Variants in ADAMTSL1 observed in about 807,000 individuals in gnomAD.
ADAMTSL1 encodes the protein ADAMTS like 1.
Under a neutral mutation model 201.8 loss-of-function variants are expected in ADAMTSL1, and 126 were observed. The observed-to-expected ratio is 0.62, with a 90% confidence interval of 0.54 to 0.72. ADAMTSL1 has a LOEUF of 0.72. ADAMTSL1 is among the 30% of genes least tolerant of loss of function. ADAMTSL1 has a pLI of 0.00. For synonymous variants in ADAMTSL1, 1,121 were observed against 903.4 expected (o/e 1.24, Z -4.32); for missense variants, 2,679 against 2,277.8 (o/e 1.18, Z -3.59).
chr9:18,259,539 A>G (rs932049408), intron 2 of ADAMTSL1, among the ~76,000 whole-genome samples: 4 of 151,654 alleles, frequency 2.6e-5, no homozygotes, highest in Non-Finnish European at 5.9e-5. Context: ...ATATATCCTT[A>G]TGTAGCATCA....
chr9:18,480,907 C>T (rs1041204609), intron 1 of ADAMTSL1, among the ~76,000 whole-genome samples: 5 of 152,010 alleles, frequency 3.3e-5, no homozygotes, highest in Admixed American at 1.3e-4. Flanking sequence ...GGAAAGAAAA[C>T]CAAAGAGGCA....
intron 2 of ADAMTSL1, among the ~76,000 whole-genome samples, chr9:18,247,968 T>G (rs1478317351): frequency 6.6e-6 from 1 of 152,176 alleles, no homozygotes; most frequent in Non-Finnish European, 1.5e-5. Flanking sequence ...GTGGTCATTT[T>G]ATTTTCCTTT....
intron 3 of ADAMTSL1, among the ~76,000 whole-genome samples, chr9:18,562,035 T>C (rs1821537369): frequency 6.6e-6 from 1 of 152,174 alleles, no homozygotes; most frequent in African/African-American, 2.4e-5. Context: ...AAAGTTAATA[T>C]TGTTATGTGT....
At chr9:18,716,048 A>C (rs1346154287) in intron 14 of ADAMTSL1, among the ~76,000 whole-genome samples, 4 of 150,336 alleles carry the variant, frequency 2.7e-5, no homozygotes, top group East Asian at 1.9e-4. Flanking sequence ...AGAAAGCTGA[A>C]ACTGGATCCC....
intron 1 of ADAMTSL1, among the ~76,000 whole-genome samples, chr9:18,086,616 C>A (rs1040194650): frequency 3.3e-5 from 5 of 152,166 alleles, no homozygotes; most frequent in South Asian, 4.1e-4. Flanking sequence ...TTGTACTCTA[C>A]ACTGTGATAC....
chr9:18,089,623 A>G (rs1256517420), intron 1 of ADAMTSL1, among the ~76,000 whole-genome samples: 2 of 152,206 alleles, frequency 1.3e-5, no homozygotes, highest in African/African-American at 4.8e-5. Context: ...AAGGAAAAGT[A>G]TGGATGAAAC....
Position 18,267,460 on chromosome 9 carries a change from C to A in ADAMTSL1, c.207+103479C>A, listed in dbSNP as rs1288881894. Among the ~76,000 whole-genome samples, 3 of 152,150 alleles carry A rather than the reference C, an allele frequency of 2.0e-5. No homozygotes were observed. In the East Asian group the frequency reaches 5.8e-4, roughly 29 times the overall value. On this transcript the variant is annotated intron_variant, in intron 2 of 29. Transcript: ENST00000680146. ...ACTTATCAGAAACACATTTTTCTTG[C>A]CACCAGAAGAGAGGACAAATGGCAG...
chr9:18,144,851 T>G (rs1826561346), intron 1 of ADAMTSL1, among the ~76,000 whole-genome samples: 1 of 152,162 alleles, frequency 6.6e-6, no homozygotes, highest in Non-Finnish European at 1.5e-5. Context: ...GATAACACTC[T>G]GTTTCTAAAC....
chr9:17,960,296 A>C (rs1277527385), intron 1 of ADAMTSL1, among the ~76,000 whole-genome samples: 1 of 152,198 alleles, frequency 6.6e-6, no homozygotes, highest in African/African-American at 2.4e-5. Context: ...CTTATTGAGC[A>C]AAACTTAGTC....
At chr9:17,942,176 G>C (rs1461536182) in intron 1 of ADAMTSL1, among the ~76,000 whole-genome samples, 2 of 152,058 alleles carry the variant, frequency 1.3e-5, no homozygotes, top group Non-Finnish European at 2.9e-5. Flanking sequence ...TTGTTTGTTG[G>C]GTACTGAGTG....
intron 2 of ADAMTSL1, among the ~76,000 whole-genome samples, chr9:18,413,769 C>G (rs183174812): frequency 1.3e-3 from 194 of 152,272 alleles, no homozygotes; most frequent in African/African-American, 4.5e-3. Flanking sequence ...AGTCTCTTTC[C>G]TCACACAGCT....
At chr9:18,837,338 A>C (rs1172222422) in intron 23 of ADAMTSL1, among the ~76,000 whole-genome samples, 1 of 152,224 alleles carries the variant, frequency 6.6e-6, no homozygotes, top group Non-Finnish European at 1.5e-5. Flanking sequence ...TATCCACTAC[A>C]ATTTGCTGAA....
chr9:18,514,933 T>C (rs1411733573), intron 2 of ADAMTSL1, among the ~76,000 whole-genome samples: 1 of 152,190 alleles, frequency 6.6e-6, no homozygotes, highest in Non-Finnish European at 1.5e-5. Context: ...CTTAGTTATT[T>C]TGAAGAAATT....
At chr9:18,287,365 A>G (rs1833031953) in intron 2 of ADAMTSL1, among the ~76,000 whole-genome samples, 1 of 152,010 alleles carries the variant, frequency 6.6e-6, no homozygotes, top group South Asian at 2.1e-4. Flanking sequence ...ACATACATAT[A>G]CACACATACA....
intron 2 of ADAMTSL1, among the ~76,000 whole-genome samples, chr9:18,336,438 A>T (rs1835245831): frequency 6.6e-6 from 1 of 152,156 alleles, no homozygotes; most frequent in African/African-American, 2.4e-5. Context: ...AAAGGTACTT[A>T]GATTATTTCA....
At chr9:18,872,564 C>A (rs1472523196) in intron 23 of ADAMTSL1, among the ~76,000 whole-genome samples, 1 of 152,174 alleles carries the variant, frequency 6.6e-6, no homozygotes, top group Non-Finnish European at 1.5e-5. Context: ...TCAGCTCCCA[C>A]TTATGAGTGA....
At chr9:18,780,097 A>T (rs529421732) in intron 19 of ADAMTSL1, among the ~76,000 whole-genome samples, 1 of 152,186 alleles carries the variant, frequency 6.6e-6, no homozygotes, top group East Asian at 1.9e-4. Flanking sequence ...GGTCCTGACA[A>T]TTTCTTTGAG....
chr9:18,691,419 A>T (rs939652537), intron 13 of ADAMTSL1, among the ~76,000 whole-genome samples: 2 of 152,172 alleles, frequency 1.3e-5, no homozygotes, highest in Non-Finnish European at 2.9e-5. Flanking sequence ...GGAAAGAGAT[A>T]TGATCTTTTT....
chr9:18,227,044 C>T (rs1830454745), intron 2 of ADAMTSL1, among the ~76,000 whole-genome samples: 1 of 152,064 alleles, frequency 6.6e-6, no homozygotes, highest in Non-Finnish European at 1.5e-5. Context: ...ATACATTTTA[C>T]CTGCTTTCTT....
Sources: gnomAD v4.1 joint callset for allele counts (sites outside exome capture counted in the v4.1 genomes callset) on GRCh38, gnomAD v4.1.1 for gene constraint, MANE v1.5 for transcripts, NCBI Gene and HGNC (gene_info 2026-07-23, HGNC 2026-07-21) for gene names.